Variants in CCDC178 observed in about 807,000 individuals in gnomAD.
CCDC178 encodes coiled-coil domain containing 178, also known as coiled-coil domain-containing protein 178.
In CCDC178, 126 loss-of-function variants were observed where a neutral mutation model predicts 117.4. The ratio of observed to expected loss-of-function variants is 1.07; its 90% confidence interval spans 0.93 to 1.24. The LOEUF (loss-of-function observed/expected upper bound fraction) is 1.24, where lower values mean the gene tolerates loss of function less well. CCDC178 is among the 50% of genes most tolerant of loss of function. The probability of loss-of-function intolerance (pLI) is 0.00; values close to 1 mark genes in which losing one functional copy is unlikely to be tolerated. For missense variants in CCDC178, 1,030 were observed against 986.9 expected (o/e 1.04, Z -0.59); for synonymous variants, 283 against 313.4 (o/e 0.90, Z 1.02).
chr18:33,142,505 CAG>C (rs1393128810), intron 20 of CCDC178, among the ~76,000 whole-genome samples: 3 of 152,080 alleles, frequency 2.0e-5, no homozygotes, highest in Non-Finnish European at 4.4e-5. Context: ...TGGAAAGTAG[CAG>C]TCTAGAGTTC....
At position 32,947,357 on chromosome 18, in the gene CCDC178, C is replaced by T. The variant is rs562025095; in HGVS notation, c.2524-9266G>A. 2.6e-5 allele frequency among the ~76,000 whole-genome samples: 4 copies of T among 152,274 alleles called. No homozygotes were observed. The East Asian group carries it at 5.8e-4, about 22-fold the overall frequency. Reference sequence around the variant, plus strand: ...GAGTTTTAGTTTCTTACCATCCTAGCCAACTTTTAATATGATCAGTATTTT... The same window carrying T: ...GAGTTTTAGTTTCTTACCATCCTAGTCAACTTTTAATATGATCAGTATTTT... On this transcript the variant is annotated intron_variant, in intron 22 of 22. Coordinates refer to ENST00000383096, the MANE Select transcript of CCDC178 (RefSeq NM_001105528.4).
At chr18:33,311,640 G>GT (rs1255758714) in intron 11 of CCDC178, among the ~76,000 whole-genome samples, 1 of 152,218 alleles carries the variant, frequency 6.6e-6, no homozygotes, top group Non-Finnish European at 1.5e-5. Context: ...GAAAAGGCCT[G>GT]TCCCCTCCAC....
intron 22 of CCDC178, among the ~76,000 whole-genome samples, chr18:32,951,488 T>C (rs2144625503): frequency 6.6e-6 from 1 of 152,282 alleles, no homozygotes; most frequent in Middle Eastern, 3.4e-3. Flanking sequence ...CATTAGATCT[T>C]GTGAGAACTT....
chr18:33,316,312 C>A (rs1479352992), intron 11 of CCDC178, among the ~76,000 whole-genome samples: 4 of 152,194 alleles, frequency 2.6e-5, no homozygotes, highest in African/African-American at 9.6e-5. Context: ...GAGGGCCCCA[C>A]ACTCGAAGCG....
intron 20 of CCDC178, among the ~76,000 whole-genome samples, chr18:33,197,647 T>A (rs1361935950): frequency 6.6e-6 from 1 of 151,872 alleles, no homozygotes. Flanking sequence ...AAAATACTTA[T>A]GCTCGAACCC....
intron 21 of CCDC178, among the ~76,000 whole-genome samples, chr18:33,037,749 T>C (rs2056471658): frequency 6.6e-6 from 1 of 151,940 alleles, no homozygotes; most frequent in African/African-American, 2.4e-5. Context: ...TAGTGATACT[T>C]ATAAATTTTC....
intron 11 of CCDC178, among the ~76,000 whole-genome samples, chr18:33,300,630 C>T (rs574037977): frequency 4.6e-5 from 7 of 152,276 alleles, no homozygotes; most frequent in Admixed American, 3.9e-4. Context: ...ACCCATGTTA[C>T]ACCTGAGCAA....
intron 20 of CCDC178, among the ~76,000 whole-genome samples, chr18:33,180,077 C>T (rs138533968): frequency 0.018 from 2,768 of 151,884 alleles, 27 homozygotes; most frequent in Non-Finnish European, 0.024. Flanking sequence ...TGAAAATAAA[C>T]GTACATTAAA....
chr18:33,087,744 C>G (rs1037683586), intron 21 of CCDC178, among the ~76,000 whole-genome samples: 4 of 152,070 alleles, frequency 2.6e-5, no homozygotes, highest in Non-Finnish European at 4.4e-5. Context: ...AACAAGCAGA[C>G]AGAATTCACT....
chr18:33,398,593 T>C (rs1599270737), intron 3 of CCDC178, among the ~76,000 whole-genome samples: 1 of 152,164 alleles, frequency 6.6e-6, no homozygotes, highest in Admixed American at 6.5e-5. Context: ...AGCCTCTGTA[T>C]TTTCGGCAAG....
chr18:33,387,555 C>T (rs187740295), intron 5 of CCDC178, among the ~76,000 whole-genome samples: 9 of 152,146 alleles, frequency 5.9e-5, no homozygotes, highest in East Asian at 5.8e-4. Flanking sequence ...GAAAGAAAAC[C>T]GCACATCTAC....
intron 9 of CCDC178, among the ~76,000 whole-genome samples, chr18:33,343,180 A>G (rs112730977): frequency 4.0e-4 from 60 of 151,484 alleles, no homozygotes; most frequent in African/African-American, 1.4e-3. Context: ...ATTATGGGAA[A>G]GACAGGTAAT....
At chr18:33,283,421 G>C (rs1397758815) in intron 12 of CCDC178, among the ~76,000 whole-genome samples, 3 of 152,078 alleles carry the variant, frequency 2.0e-5, no homozygotes, top group Non-Finnish European at 4.4e-5. Context: ...TTGACAAATA[G>C]AACCTAATTA....
At chr18:33,217,306 T>C (rs1417675017) in intron 18 of CCDC178, among the ~76,000 whole-genome samples, 1 of 152,030 alleles carries the variant, frequency 6.6e-6, no homozygotes, top group Non-Finnish European at 1.5e-5. Context: ...TTAAATTTCT[T>C]CTATGATCAT....
intron 6 of CCDC178, among the ~76,000 whole-genome samples, chr18:33,358,378 T>C (rs2063085317): frequency 6.6e-6 from 1 of 151,880 alleles, no homozygotes; most frequent in Non-Finnish European, 1.5e-5. Flanking sequence ...AGAAGTACCA[T>C]ATGAGATATC....
intron 3 of CCDC178, among the ~76,000 whole-genome samples, chr18:33,399,056 T>C (rs2063676413): frequency 6.6e-6 from 1 of 152,106 alleles, no homozygotes; most frequent in Admixed American, 6.6e-5. Flanking sequence ...AAAAATTAGC[T>C]GGACGTGGTG....
intron 14 of CCDC178, among the ~76,000 whole-genome samples, chr18:33,266,575 GT>G (rs1295898949): frequency 3.5e-5 from 5 of 143,500 alleles, no homozygotes; most frequent in African/African-American, 1.3e-4. Context: ...TATACTTTAA[GT>G]TTTAGGGTGA....
intron 21 of CCDC178, among the ~76,000 whole-genome samples, chr18:33,076,601 G>C (rs1434999121): frequency 6.6e-6 from 1 of 152,088 alleles, no homozygotes; most frequent in Admixed American, 6.6e-5. Flanking sequence ...ATATTTGTCA[G>C]CATTGATTAT....
chr18:33,026,750 CA>C lies in CCDC178; in HGVS notation c.2389-52070del, dbSNP rs376709071. On this transcript the variant is annotated intron_variant, in intron 21 of 22. Transcript: ENST00000383096. ...GTAAAAAATCAAACAAAAACAAAAA[CA>C]AAAAATCCCTCATCATAAAACATAA... Among the ~76,000 whole-genome samples the C allele has an allele frequency of 8.0e-3, 1,207 of 151,664 alleles. 10 individuals are homozygous for C. The highest frequency in any genetic ancestry group is 9.6e-3 in the Non-Finnish European group (653 of 67,698).
Sources: gnomAD v4.1 joint callset for allele counts (sites outside exome capture counted in the v4.1 genomes callset) on GRCh38, gnomAD v4.1.1 for gene constraint, MANE v1.5 for transcripts, NCBI Gene and HGNC (gene_info 2026-07-23, HGNC 2026-07-21) for gene names.